The following RARB variants were observed in gnomAD, a reference collection of about 807,000 sequenced individuals.
RARB encodes retinoic acid receptor beta.
Under a neutral mutation model 51.9 loss-of-function variants are expected in RARB, and 17 were observed. The observed-to-expected ratio is 0.33, with a 90% confidence interval of 0.22 to 0.49. The LOEUF is 0.49. Ranked by LOEUF, RARB falls within the 20% of genes least tolerant of loss-of-function variation. RARB has a pLI of 0.99. For synonymous variants in RARB, 215 were observed against 195.4 expected (o/e 1.10, Z -0.84); for missense variants, 369 against 550.8 (o/e 0.67, Z 3.30).
intron 5 of RARB, among the ~76,000 whole-genome samples, chr3:25,366,945 T>G (rs919625999): frequency 6.6e-6 from 1 of 151,918 alleles, no homozygotes; most frequent in Non-Finnish European, 1.5e-5. Context: ...ATCCTCAGGA[T>G]TGTAGCAACA....
intron 5 of RARB, among the ~76,000 whole-genome samples, chr3:25,381,886 G>A (rs1183075436): frequency 6.6e-6 from 1 of 152,138 alleles, no homozygotes; most frequent in Non-Finnish European, 1.5e-5. Flanking sequence ...TACCACTGTG[G>A]TGTGGATATC....
chr3:25,058,121 T>C (rs1698476662), intron 2 of RARB, among the ~76,000 whole-genome samples: 1 of 151,920 alleles, frequency 6.6e-6, no homozygotes, highest in Non-Finnish European at 1.5e-5. Context: ...TGCCATTTGG[T>C]TAATTATGTT....
At chr3:25,366,918 T>C (rs759612042) in intron 5 of RARB, among the ~76,000 whole-genome samples, 15 of 152,162 alleles carry the variant, frequency 9.9e-5, no homozygotes, top group Non-Finnish European at 1.9e-4. Context: ...TTAACCATTT[T>C]TTTTTCTTGT....
intron 3 of RARB, among the ~76,000 whole-genome samples, chr3:25,565,575 T>TTGAA (rs1176499419): frequency 6.6e-6 from 1 of 152,128 alleles, no homozygotes; most frequent in Non-Finnish European, 1.5e-5. Context: ...TAAATATTCA[T>TTGAA]TGAATGAATG....
chr3:25,024,251 G>C (rs540436354), intron 2 of RARB, among the ~76,000 whole-genome samples: 1 of 152,272 alleles, frequency 6.6e-6, no homozygotes, highest in African/African-American at 2.4e-5. Flanking sequence ...TTTTTGAAAG[G>C]ATTGTTTGAT....
intron 2 of RARB, among the ~76,000 whole-genome samples, chr3:24,943,608 T>C (rs1190816121): frequency 6.6e-6 from 1 of 152,208 alleles, no homozygotes; most frequent in African/African-American, 2.4e-5. Flanking sequence ...GGTGCAGGTT[T>C]TGAGCAGATG....
chr3:24,994,997 G>A (rs1048042532), intron 2 of RARB, among the ~76,000 whole-genome samples: 3 of 151,958 alleles, frequency 2.0e-5, no homozygotes, highest in Non-Finnish European at 4.4e-5. Flanking sequence ...CCATAGAAAT[G>A]TTAGGATATT....
At chr3:25,405,374 C>T (rs1575377032) in intron 5 of RARB, among the ~76,000 whole-genome samples, 1 of 152,144 alleles carries the variant, frequency 6.6e-6, no homozygotes, top group Non-Finnish European at 1.5e-5. Flanking sequence ...CAAACAACTA[C>T]TATATCAATA....
At chr3:25,347,955 A>G (rs1705443701) in intron 5 of RARB, among the ~76,000 whole-genome samples, 1 of 152,214 alleles carries the variant, frequency 6.6e-6, no homozygotes, top group South Asian at 2.1e-4. Flanking sequence ...TACTACTTCC[A>G]ATTAGTCTAG....
intron 4 of RARB, 63 bp downstream of exon 4, chr3:25,569,981 GACACAC>G (rs56255512): frequency 0.047 from 49,905 of 1,051,736 alleles, 227 homozygotes; most frequent in East Asian, 0.078. Flanking sequence ...CATGTGTGCA[GACACAC>G]ACACACACAC....
At chr3:25,441,978 C>T (rs182698420) in intron 1 of RARB, among the ~76,000 whole-genome samples, 15 of 152,274 alleles carry the variant, frequency 9.9e-5, no homozygotes, top group Admixed American at 7.2e-4. Context: ...ATAGAACTTC[C>T]TACAATGAAG....
intron 5 of RARB, among the ~76,000 whole-genome samples, chr3:25,260,762 C>G (rs1454040040): frequency 6.6e-6 from 1 of 152,150 alleles, no homozygotes; most frequent in African/African-American, 2.4e-5. Context: ...AGCCTGATGT[C>G]ACCCATTCAG....
intron 2 of RARB, among the ~76,000 whole-genome samples, chr3:24,862,415 T>A (rs1016339784): frequency 6.6e-6 from 1 of 152,174 alleles, no homozygotes; most frequent in East Asian, 1.9e-4. Flanking sequence ...CTTATCCATG[T>A]TTTTGCCTTC....
chr3:25,325,309 T>C (rs1193938777), intron 5 of RARB, among the ~76,000 whole-genome samples: 2 of 152,104 alleles, frequency 1.3e-5, no homozygotes, highest in Non-Finnish European at 2.9e-5. Context: ...AGAGGTCATT[T>C]TCATGGCCAT....
intron 5 of RARB, among the ~76,000 whole-genome samples, chr3:25,236,627 A>G (rs1348115415): frequency 6.6e-6 from 1 of 152,158 alleles, no homozygotes; most frequent in African/African-American, 2.4e-5. Context: ...TAATGCATAT[A>G]AAAGCGCTGG....
chr3:24,967,946 T>G (rs1260805644), intron 2 of RARB, among the ~76,000 whole-genome samples: 1 of 152,136 alleles, frequency 6.6e-6, no homozygotes, highest in African/African-American at 2.4e-5. Flanking sequence ...CAAACACTAT[T>G]ATCATTAGAG....
rs2362778 is a variant in RARB, at chr3:24,888,750, A to T, written c.-380+29998A>T. ...CTGCTATATATTTTGTACATTATGG[A>T]CACACAGGAAAGGATTGTGGAAAGA... On this transcript the variant is annotated intron_variant, in intron 2 of 11. Coordinates refer to the RARB transcript ENST00000383772. 2.5e-3 allele frequency among the ~76,000 whole-genome samples: 374 copies of T among 152,078 alleles called. 2 individuals are homozygous for T. Among genetic ancestry groups the T allele is most frequent in the African/African-American group, 8.4e-3 (347 of 41,514 alleles).
chr3:24,886,160 G>A (rs755751303), intron 2 of RARB, among the ~76,000 whole-genome samples: 4 of 152,072 alleles, frequency 2.6e-5, no homozygotes, highest in Admixed American at 1.3e-4. Flanking sequence ...CACTATTTTC[G>A]CCTCTTAGGC....
chr3:24,909,659 G>C (rs1053759155), intron 2 of RARB, among the ~76,000 whole-genome samples: 1 of 149,318 alleles, frequency 6.7e-6, no homozygotes, highest in Non-Finnish European at 1.5e-5. Flanking sequence ...GCATTTGTTA[G>C]TCCTTCTATA....
Sources: allele counts gnomAD v4.1 joint callset (sites outside exome capture counted in the v4.1 genomes callset), GRCh38; gene constraint gnomAD v4.1.1; transcripts MANE v1.5; gene names NCBI Gene and HGNC (gene_info 2026-07-23, HGNC 2026-07-21).